DAB2IP: variants seen among roughly 807,000 people sequenced by gnomAD.
DAB2IP encodes the protein disabled homolog 2-interacting protein.
Under a neutral mutation model 107.2 loss-of-function variants are expected in DAB2IP, and 28 were observed. The ratio of observed to expected loss-of-function variants is 0.26; its 90% confidence interval spans 0.19 to 0.36. The LOEUF (loss-of-function observed/expected upper bound fraction) is 0.36, where lower values mean the gene tolerates loss of function less well. Among genes scored for constraint, DAB2IP ranks in the 10% least tolerant of loss-of-function variants. The pLI, the probability that DAB2IP is intolerant of heterozygous loss-of-function variation, is 1.00. For synonymous variants in DAB2IP, 755 were observed against 706.4 expected (o/e 1.07, Z -1.09); for missense variants, 1,400 against 1,644.7 (o/e 0.85, Z 2.57).
At chr9:121,605,423 T>A (rs535419143) in intron 1 of DAB2IP, among the ~76,000 whole-genome samples, 26 of 152,346 alleles carry the variant, frequency 1.7e-4, no homozygotes, top group Admixed American at 1.2e-3. Context: ...AAGCCACCTG[T>A]CAGTGTCAGT....
intron 3 of DAB2IP, among the ~76,000 whole-genome samples, chr9:121,722,947 C>T (rs1030406534): frequency 2.0e-5 from 3 of 152,192 alleles, no homozygotes; most frequent in African/African-American, 7.2e-5. Flanking sequence ...GACTGTTGGT[C>T]GGGGACTTTT....
At chr9:121,774,236 C>G in intron 12 of DAB2IP, 24 bp from the exon 13 acceptor site, 1 of 1,585,796 alleles carries the variant, frequency 6.3e-7, no homozygotes, top group African/African-American at 1.4e-5. Context: ...CCCTGCAGCC[C>G]CTCACAGCTG....
chr9:121,636,494 C>T (rs1224612778), intron 1 of DAB2IP, among the ~76,000 whole-genome samples: 1 of 152,102 alleles, frequency 6.6e-6, no homozygotes, highest in South Asian at 2.1e-4. Flanking sequence ...GGAGGCCTGG[C>T]CTGGGCTAGC....
At chr9:121,650,880 T>C (rs938006593), upstream of DAB2IP, among the ~76,000 whole-genome samples, 1 of 152,052 alleles carries the variant, frequency 6.6e-6, no homozygotes, top group Non-Finnish European at 1.5e-5. Flanking sequence ...GGACTTTGGT[T>C]GGGGCAAGAT....
chr9:121,676,163 C>A (rs760498761), intron 1 of DAB2IP, among the ~76,000 whole-genome samples: 9 of 152,216 alleles, frequency 5.9e-5, no homozygotes, highest in Non-Finnish European at 1.3e-4. Flanking sequence ...GAACCAGTCT[C>A]AGGACAGCTT....
intron 1 of DAB2IP, among the ~76,000 whole-genome samples, chr9:121,604,924 G>A (rs918443129): frequency 2.0e-5 from 3 of 152,224 alleles, no homozygotes; most frequent in African/African-American, 7.2e-5. Context: ...GAGCCTCGCA[G>A]TCTGCTCTGG....
rs75917287 is a variant in DAB2IP, at chr9:121,591,691, C to T, written c.40+24463C>T. Among the ~76,000 whole-genome samples the T allele has an allele frequency of 3.7e-3, 557 of 152,302 alleles. 2 individuals are homozygous for T. Among genetic ancestry groups the T allele is most frequent in the African/African-American group, 0.013 (534 of 41,566 alleles). Reference sequence around the variant, plus strand: ...TGCATGGAACAAGTTCAGTTCTTAGCGAAGTCCAGGCAAGAGACCACAGTG... The same window carrying T: ...TGCATGGAACAAGTTCAGTTCTTAGTGAAGTCCAGGCAAGAGACCACAGTG... On this transcript the variant is annotated intron_variant, in intron 1 of 16. Coordinates refer to the DAB2IP transcript ENST00000259371.
rs183711843 is a variant in DAB2IP, at chr9:121,663,658, C to T, written c.124+11759C>T. Among the ~76,000 whole-genome samples, 4 of 152,352 alleles carry T rather than the reference C, an allele frequency of 2.6e-5. No homozygotes were observed. In the East Asian group the frequency reaches 5.8e-4, roughly 22 times the overall value. Reference sequence around the variant, plus strand: ...ACAGCAGGCTATCATAGTTCCATGGCCTCAGGACACTGTACCTGTACCACC... The same window carrying T: ...ACAGCAGGCTATCATAGTTCCATGGTCTCAGGACACTGTACCTGTACCACC... On this transcript the variant is annotated intron_variant, in intron 1 of 15. Coordinates refer to ENST00000408936, the Ensembl canonical transcript of DAB2IP.
chr9:121,577,021 C>G (rs1040552098), intron 1 of DAB2IP, among the ~76,000 whole-genome samples: 1 of 152,206 alleles, frequency 6.6e-6, no homozygotes, highest in Admixed American at 6.5e-5. Context: ...AAGCAGTGCT[C>G]TGTTCTCCCC....
intron 1 of DAB2IP, among the ~76,000 whole-genome samples, chr9:121,610,740 A>G (rs1831064141): frequency 6.6e-6 from 1 of 152,024 alleles, no homozygotes; most frequent in Non-Finnish European, 1.5e-5. Flanking sequence ...GAATAGTCAG[A>G]GGGGGGCGCA....
At chr9:121,695,133 G>GA (rs375863847) in intron 2 of DAB2IP, among the ~76,000 whole-genome samples, 6,160 of 146,504 alleles carry the variant, frequency 0.042, 254 homozygotes, top group African/African-American at 0.097. Context: ...GTTGCTTTAG[G>GA]AAAAAAAAAA....
intron 1 of DAB2IP, among the ~76,000 whole-genome samples, chr9:121,627,160 C>T (rs1325934126): frequency 6.6e-6 from 1 of 151,908 alleles, no homozygotes; most frequent in African/African-American, 2.4e-5. Context: ...CACACACACA[C>T]ACACACACAA....
In DAB2IP at chr9:121,588,539, G is replaced by A. The variant is rs114724717; in HGVS notation, c.40+21311G>A. On this transcript the variant is annotated intron_variant, in intron 1 of 16. Coordinates refer to the DAB2IP transcript ENST00000259371. The stretch of plus-strand genomic sequence containing the variant: ...GTGGAAGGGAAGGGAAGGGAAGGGG[G>A]AAAGGGGAAGGGTGAAGGGGGAAGG... Among the ~76,000 whole-genome samples the A allele has an allele frequency of 3.8e-3, 467 of 123,112 alleles. 3 individuals carry two copies. The highest frequency in any genetic ancestry group is 0.013 in the African/African-American group (451 of 33,796). 80.8% of individuals were successfully genotyped at this position (123,112 alleles called of 152,430 possible). A position where few individuals can be genotyped will look rare whatever the true frequency, so the allele number is the denominator to read the frequency against.
chr9:121,772,238 C>T lies in DAB2IP; in HGVS notation c.2079-369C>T, dbSNP rs1039749131. On this transcript the variant is annotated intron_variant, in intron 11 of 15. Transcript: ENST00000408936. This position sits in a 1 kb window ranked among gnomAD's most constrained non-coding sequence, Gnocchi z 4.7. ...AAGTTGGGGTTCTCAATGCAGGATCCGTGGATAGCAGAGAGCCACTGAGTT... is the reference window on the plus strand; with the variant it reads ...AAGTTGGGGTTCTCAATGCAGGATCTGTGGATAGCAGAGAGCCACTGAGTT... Among the ~76,000 whole-genome samples the T allele has an allele frequency of 1.3e-5, 2 of 152,168 alleles. No homozygotes were observed. Among genetic ancestry groups the T allele is most frequent in the Non-Finnish European group, 2.9e-5 (2 of 68,028 alleles).
At position 121,698,946 on chromosome 9, in the gene DAB2IP, C is replaced by T. The variant is rs1429460570; in HGVS notation, c.229-379C>T. Among the ~76,000 whole-genome samples the T allele has an allele frequency of 1.3e-5, 2 of 151,876 alleles. No individual in the cohort carries two copies. Among genetic ancestry groups the T allele is most frequent in the African/African-American group, 4.8e-5 (2 of 41,418 alleles). Reference sequence around the variant, plus strand: ...AGGTGAGCGGGGCGGCCGGCCCTGGCGGTCCCCGGGGGTCTCCGCCCCTCC... The same window carrying T: ...AGGTGAGCGGGGCGGCCGGCCCTGGTGGTCCCCGGGGGTCTCCGCCCCTCC... On this transcript the variant is annotated intron_variant, in intron 2 of 15. Transcript: ENST00000408936. The surrounding 1 kb of genome is among the most constrained non-coding windows in gnomAD (Gnocchi z 4.1).
At chr9:121,631,752 G>A (rs948584289) in intron 1 of DAB2IP, among the ~76,000 whole-genome samples, 2 of 149,068 alleles carry the variant, frequency 1.3e-5, no homozygotes, top group African/African-American at 5.0e-5. Flanking sequence ...GGAGGTGGAG[G>A]TTGCAGTGAG....
At chr9:121,768,760 A>G in intron 10 of DAB2IP, 127 bp downstream of exon 10, 1 of 1,158,712 alleles carries the variant, frequency 8.6e-7, no homozygotes, top group East Asian at 2.5e-5. Flanking sequence ...AGGTCCTGTC[A>G]GAACACACTG....
exon 16 of DAB2IP, chr9:121,784,457 G>C (rs972788129): frequency 2.0e-5 from 3 of 153,088 alleles, no homozygotes; most frequent in Admixed American, 6.5e-5. Flanking sequence ...GGCGGGCTCG[G>C]AGGCTACCCG....
exon 8 of DAB2IP, chr9:121,763,782 G>T: frequency 6.2e-7 from 1 of 1,614,104 alleles, no homozygotes; most frequent in Admixed American, 1.7e-5. Context: ...CTGCGAAGTG[G>T]ATCCCAGCAA....
Sources: gnomAD v4.1 joint callset for allele counts (sites outside exome capture counted in the v4.1 genomes callset) on GRCh38, gnomAD v4.1.1 for gene constraint, Gnocchi (gnomAD v3.1) non-coding constraint, MANE v1.5 for transcripts, NCBI Gene and HGNC (gene_info 2026-07-23, HGNC 2026-07-21) for gene names.